Variants in ANKS1B observed in about 807,000 individuals in gnomAD.
The protein encoded by ANKS1B is ankyrin repeat and sterile alpha motif domain-containing protein 1B.
ANKS1B carries 36 observed loss-of-function variants against 148.3 expected under a neutral mutation model. The ratio of observed to expected loss-of-function variants is 0.24; its 90% CI spans 0.19 to 0.32. The LOEUF (loss-of-function observed/expected upper bound fraction) is 0.32. Among genes scored for constraint, ANKS1B ranks in the 10% least tolerant of loss-of-function variants. The pLI is 1.00. For synonymous variants in ANKS1B, 542 were observed against 560.8 expected, an observed-to-expected ratio of 0.97 and a Z score of 0.47; for missense variants, 1,157 against 1,542.6, an observed-to-expected ratio of 0.75 and a Z score of 4.19.
intron 17 of ANKS1B, among the ~76,000 whole-genome samples, chr12:98,832,365 C>T (rs900292184): frequency 1.3e-5 from 2 of 152,128 alleles, no homozygotes; most frequent in Non-Finnish European, 2.9e-5. Context: ...GGTTCTCCTT[C>T]CACTCATGCT....
intron 12 of ANKS1B, among the ~76,000 whole-genome samples, chr12:99,330,274 T>C (rs900754781): frequency 1.5e-4 from 23 of 152,034 alleles, no homozygotes; most frequent in Non-Finnish European, 3.4e-4. Context: ...TAATGTCTTA[T>C]TTCTAAAATA....
intron 8 of ANKS1B, among the ~76,000 whole-genome samples, chr12:99,669,406 C>G (rs2098525795): frequency 6.6e-6 from 1 of 152,010 alleles, no homozygotes; most frequent in African/African-American, 2.4e-5. Flanking sequence ...ATCTGGAGAT[C>G]AGTTTAATTC....
chr12:99,779,141 T>C (rs2063990884), intron 6 of ANKS1B, among the ~76,000 whole-genome samples: 1 of 152,170 alleles, frequency 6.6e-6, no homozygotes. Flanking sequence ...TTAGTTCAAG[T>C]GGAGAAGTAT....
At chr12:98,777,458 C>G (rs1034170201) in intron 24 of ANKS1B, among the ~76,000 whole-genome samples, 2 of 152,184 alleles carry the variant, frequency 1.3e-5, no homozygotes, top group African/African-American at 2.4e-5. Flanking sequence ...CAGCTGAGCA[C>G]TGAATGTAGA....
intron 2 of ANKS1B, 118 bp from the exon 3 acceptor site, chr12:99,812,429 C>T (rs779138012): frequency 3.6e-6 from 4 of 1,123,692 alleles, no homozygotes; most frequent in Non-Finnish European, 4.8e-6. Context: ...ATTCAAGGTA[C>T]TAAGATATAA....
At chr12:99,873,999 A>T (rs1316053842) in intron 1 of ANKS1B, among the ~76,000 whole-genome samples, 3 of 147,568 alleles carry the variant, frequency 2.0e-5, no homozygotes, top group Admixed American at 1.3e-4. Flanking sequence ...AAAATAAATA[A>T]ATCTCTCTCT....
intron 17 of ANKS1B, among the ~76,000 whole-genome samples, chr12:98,837,984 T>C (rs2099384781): frequency 1.3e-5 from 2 of 152,162 alleles, no homozygotes; most frequent in Admixed American, 1.3e-4. Context: ...TAAATAGATA[T>C]ATTTCATTTC....
At chr12:98,995,436 A>C (rs2099928947) in intron 17 of ANKS1B, among the ~76,000 whole-genome samples, 1 of 152,140 alleles carries the variant, frequency 6.6e-6, no homozygotes, top group Non-Finnish European at 1.5e-5. Context: ...ACTAAAAAAA[A>C]TTTAAAAAAT....
chr12:99,399,777 T>C lies in ANKS1B; in HGVS notation c.1610A>G (p.Asp537Gly), dbSNP rs749394553. ...TTGGTTGTGATTCATTCGGTGAAAA[T>C]CCAGAGAAGACACAATGGATGTTCG... ...KQRTSIVSSL[D>G]FHRMNHNQEY... The change falls in exon 12 of 27, where the codon GAT (aspartate) becomes GGT (glycine). Residue 537 changes from aspartate (D) to glycine (G), a missense_variant. This residue lies in a region of ANKS1B where 661 missense variants were observed against 642.1 expected (regional missense o/e 1.03). Coordinates refer to ENST00000683438, the MANE Select transcript of ANKS1B (RefSeq NM_001352186.2). 6.2e-7 allele frequency: 1 copy of C among 1,613,198 alleles called. No individual in the cohort carries two copies. The highest frequency in any genetic ancestry group is 2.2e-5 in the East Asian group (1 of 44,870).
chr12:99,320,356 C>A (rs2085012929), intron 12 of ANKS1B, among the ~76,000 whole-genome samples: 1 of 152,212 alleles, frequency 6.6e-6, no homozygotes, highest in Non-Finnish European at 1.5e-5. Flanking sequence ...GGTCTTTTCA[C>A]ATAGTCCCAT....
chr12:99,763,764 A>T (rs1420941863), intron 8 of ANKS1B, among the ~76,000 whole-genome samples: 1 of 152,214 alleles, frequency 6.6e-6, no homozygotes, highest in East Asian at 1.9e-4. Context: ...GAATTCAAAA[A>T]TTAATAATGT....
intron 9 of ANKS1B, among the ~76,000 whole-genome samples, chr12:98,736,751 TAA>T (rs542638974): frequency 5.9e-5 from 9 of 152,176 alleles, no homozygotes; most frequent in Non-Finnish European, 8.8e-5. Flanking sequence ...CAGCAGAGAC[TAA>T]GAGTTGCAAA....
chr12:99,850,409 C>A (rs1448583460), intron 1 of ANKS1B, among the ~76,000 whole-genome samples: 1 of 151,280 alleles, frequency 6.6e-6, no homozygotes, highest in East Asian at 1.9e-4. Context: ...TTTTTATAAA[C>A]TCTTTTCTCT....
chr12:99,051,477 TG>T (rs2099966026), intron 17 of ANKS1B, among the ~76,000 whole-genome samples: 1 of 152,186 alleles, frequency 6.6e-6, no homozygotes, highest in African/African-American at 2.4e-5. Context: ...CAACTTAAGT[TG>T]GAAGATTGTT....
intron 17 of ANKS1B, among the ~76,000 whole-genome samples, chr12:98,864,340 T>C (rs2099614117): frequency 6.6e-6 from 1 of 152,212 alleles, no homozygotes; most frequent in South Asian, 2.1e-4. Context: ...AATATACTGT[T>C]GTTAACTACA....
At chr12:99,869,329 T>C (rs2091177384) in intron 1 of ANKS1B, among the ~76,000 whole-genome samples, 1 of 151,926 alleles carries the variant, frequency 6.6e-6, no homozygotes, top group African/African-American at 2.4e-5. Context: ...CAAAGATAAA[T>C]GCATGAACCA....
At chr12:99,503,704 T>C (rs1465952838) in intron 10 of ANKS1B, among the ~76,000 whole-genome samples, 1 of 152,110 alleles carries the variant, frequency 6.6e-6, no homozygotes, top group South Asian at 2.1e-4. Context: ...CTTCCAGACA[T>C]CTACTTGTAC....
At chr12:99,421,653 G>A (rs7295971) in intron 11 of ANKS1B, among the ~76,000 whole-genome samples, 7,742 of 152,290 alleles carry the variant, frequency 0.051, 665 homozygotes, top group African/African-American at 0.18. Flanking sequence ...TTAAGAGGCT[G>A]TTAGGAGCTT....
At chr12:99,044,878 AG>A (rs2099961308) in intron 17 of ANKS1B, among the ~76,000 whole-genome samples, 3 of 152,126 alleles carry the variant, frequency 2.0e-5, no homozygotes, top group South Asian at 2.1e-4. Context: ...TGAGTCCCAG[AG>A]GGGGTAAGTG....
Sources: gnomAD v4.1 joint callset for allele counts (sites outside exome capture counted in the v4.1 genomes callset) on GRCh38, gnomAD v4.1.1 for gene constraint, gnomAD v4.1.1 regional missense constraint, MANE v1.5 for transcripts, NCBI Gene and HGNC (gene_info 2026-07-23, HGNC 2026-07-21) for gene names.